The following DMXL2 variants were observed in gnomAD, a reference collection of about 807,000 sequenced individuals.
DMXL2 encodes dmX-like protein 2.
A neutral mutation model predicts 331.1 loss-of-function variants in DMXL2; 103 were observed. That is an observed-to-expected ratio of 0.31 (90% CI 0.27 to 0.37). DMXL2 has a LOEUF of 0.37. Among genes scored for constraint, DMXL2 ranks in the 10% least tolerant of loss-of-function variants. The pLI is 1.00. For synonymous variants in DMXL2, 1,281 were observed against 1,252.1 expected (o/e 1.02, Z -0.49); for missense variants, 3,171 against 3,642.9 (o/e 0.87, Z 3.33).
chr15:51,530,587 T>TA (rs550510463), intron 13 of DMXL2, among the ~76,000 whole-genome samples: 2,680 of 120,198 alleles, frequency 0.022, 69 homozygotes, highest in African/African-American at 0.071. Context: ...CCATCTCTAC[T>TA]AAAAAAAAAA....
intron 13 of DMXL2, among the ~76,000 whole-genome samples, chr15:51,531,332 CAGA>C (rs1337776932): frequency 3.3e-5 from 5 of 152,104 alleles, no homozygotes; most frequent in African/African-American, 1.2e-4. Flanking sequence ...TATCCATATG[CAGA>C]AGAATAAAAC....
intron 1 of DMXL2, among the ~76,000 whole-genome samples, chr15:51,611,286 T>C (rs1306612806): frequency 1.3e-5 from 2 of 152,128 alleles, no homozygotes; most frequent in African/African-American, 2.4e-5. Flanking sequence ...GCAACAGAGA[T>C]GCTGCAGACC....
At chr15:51,539,659 A>C (rs1470490285) in intron 9 of DMXL2, among the ~76,000 whole-genome samples, 1 of 152,020 alleles carries the variant, frequency 6.6e-6, no homozygotes, top group Admixed American at 6.6e-5. Context: ...AACTACAAAA[A>C]TTAGCCAGGT....
intron 8 of DMXL2, 81 bp from the exon 9 acceptor site, chr15:51,542,588 G>T: frequency 9.3e-7 from 1 of 1,080,586 alleles, no homozygotes; most frequent in Non-Finnish European, 1.3e-6. Flanking sequence ...TTATTAAGAG[G>T]TTTAAGATTT....
chr15:51,502,767 ACT>A, intron 17 of DMXL2, 37 bp downstream of exon 17: 1 of 1,366,074 alleles, frequency 7.3e-7, no homozygotes, highest in Non-Finnish European at 1.0e-6. Flanking sequence ...ATATTTTATC[ACT>A]CTGAGCTACC....
chr15:51,515,999 G>T (rs1247552946), intron 14 of DMXL2, among the ~76,000 whole-genome samples: 1 of 152,122 alleles, frequency 6.6e-6, no homozygotes, highest in African/African-American at 2.4e-5. Flanking sequence ...GGCAGCCCCA[G>T]TTCTGCTATC....
In DMXL2 at chr15:51,466,196, G is replaced by A; in HGVS notation, c.7508C>T (p.Pro2503Leu). ...SDTQIQEHQD[P>L]NSYSWALLHL... ...AAGTCTTATTTACCTATAGGAATTT[G>A]GATCTTGGTGCTCCTGTATTTGTGT... The change falls in exon 30 of 44, where the codon CCA (proline) becomes CTA (leucine). Residue 2503 changes from proline (P) to leucine (L), a missense_variant. Physicochemically the swap from Pro to Leu is moderately conservative, Grantham distance 98. This residue lies in a region of DMXL2 where 766 missense variants were observed against 940.5 expected (regional missense o/e 0.81). Coordinates refer to ENST00000560891, the MANE Select transcript of DMXL2 (RefSeq NM_001378457.1). 1.3e-6 allele frequency: 2 copies of A among 1,557,906 alleles called. No individual in the cohort carries two copies. The highest frequency in any genetic ancestry group is 1.3e-5 in the South Asian group (1 of 79,232).
rs1274453147 is a variant in DMXL2 at position 51,548,639 on chromosome 15, G to A, written c.568-1231C>T. ...AATGGAAATACAAAGAGCCCCAGGAGCAGGTGATACTCTAGCCCTTCTCCC... is the reference window on the plus strand; with the variant it reads ...AATGGAAATACAAAGAGCCCCAGGAACAGGTGATACTCTAGCCCTTCTCCC... On this transcript the variant is annotated intron_variant, in intron 6 of 43. Transcript: ENST00000560891. Among the ~76,000 whole-genome samples, 3 of 152,104 alleles carry A rather than the reference G, an allele frequency of 2.0e-5. No homozygotes were observed. The East Asian group carries it at 5.8e-4, about 29-fold the overall frequency.
chr15:51,546,139 C>T (rs941439761), intron 7 of DMXL2, among the ~76,000 whole-genome samples: 2 of 152,142 alleles, frequency 1.3e-5, no homozygotes, highest in African/African-American at 4.8e-5. Flanking sequence ...AGTTTCATCA[C>T]TTTACATCCT....
At chr15:51,610,013 T>C (rs567340380) in intron 1 of DMXL2, among the ~76,000 whole-genome samples, 24 of 152,260 alleles carry the variant, frequency 1.6e-4, no homozygotes, top group Admixed American at 1.2e-3. Flanking sequence ...TAGCAATATA[T>C]TGAATGCATC....
In DMXL2 at chr15:51,528,505, C is replaced by T. The variant is rs902443779; in HGVS notation, c.2436+7158G>A. 3.9e-5 allele frequency among the ~76,000 whole-genome samples: 6 copies of T among 152,120 alleles called. No homozygotes were observed. The South Asian group carries it at 6.2e-4, about 16-fold the overall frequency. On this transcript the variant is annotated intron_variant, in intron 13 of 43. Coordinates refer to ENST00000560891, the MANE Select transcript of DMXL2 (RefSeq NM_001378457.1). ...GTATCAGACAAAATAGTTTTCAAGACAAAAACTGTAAGAAGAGACAAAGAA... is the reference window on the plus strand; with the variant it reads ...GTATCAGACAAAATAGTTTTCAAGATAAAAACTGTAAGAAGAGACAAAGAA...
chr15:51,493,946 G>A (rs945740615), intron 19 of DMXL2, among the ~76,000 whole-genome samples: 5 of 151,484 alleles, frequency 3.3e-5, no homozygotes, highest in Non-Finnish European at 7.4e-5. Context: ...AATTTTTGTT[G>A]GTACGTAGTA....
chr15:51,557,054 A>G (rs2049641635), intron 6 of DMXL2, among the ~76,000 whole-genome samples: 1 of 151,984 alleles, frequency 6.6e-6, no homozygotes, highest in Non-Finnish European at 1.5e-5. Context: ...GCAGTTAAAA[A>G]AAAAAGGAAA....
chr15:51,547,452 C>T (rs779700812), intron 6 of DMXL2, 44 bp from the exon 7 acceptor site: 3 of 1,383,724 alleles, frequency 2.2e-6, no homozygotes, highest in Non-Finnish European at 2.9e-6. Context: ...TGTACATACA[C>T]AATTCAAAAT....
At chr15:51,603,066 T>TA in intron 1 of DMXL2, among the ~76,000 whole-genome samples, 1 of 152,280 alleles carries the variant, frequency 6.6e-6, no homozygotes, top group East Asian at 1.9e-4. Context: ...GTTTCCATCT[T>TA]AATCAATTAG....
chr15:51,622,703 C>T lies in DMXL2; in HGVS notation c.-158G>A, dbSNP rs185994668. The T allele has an allele frequency of 4.2e-5, 57 of 1,366,810 alleles. No homozygotes were observed. The East Asian group carries it at 1.5e-3, about 37-fold the overall frequency. 84.7% of individuals were successfully genotyped at this position (1,366,810 alleles called of 1,614,324 possible). On this transcript the variant is annotated 5_prime_UTR_variant, in exon 1 of 44. Transcript: ENST00000560891. ...CCTCGCCCCCCTTTCGCCTTCCCTC[C>T]GCCTCGTCCCTGCCATGGGAGCTCC...
intron 6 of DMXL2, among the ~76,000 whole-genome samples, chr15:51,556,203 C>T (rs2049561709): frequency 1.3e-5 from 2 of 151,794 alleles, no homozygotes; most frequent in South Asian, 4.2e-4. Context: ...ATTAGCTGGG[C>T]GTGGTGGCGG....
At chr15:51,548,223 T>C (rs1375254843) in intron 6 of DMXL2, among the ~76,000 whole-genome samples, 2 of 152,102 alleles carry the variant, frequency 1.3e-5, no homozygotes, top group Non-Finnish European at 2.9e-5. Flanking sequence ...AGGGAAATAA[T>C]AAATGTTATC....
intron 33 of DMXL2, among the ~76,000 whole-genome samples, chr15:51,460,987 ATGT>A (rs1185699207): frequency 1.3e-5 from 2 of 152,210 alleles, no homozygotes; most frequent in Non-Finnish European, 2.9e-5. Context: ...GGTGACTACT[ATGT>A]TGGACTATGC....
Sources: gnomAD v4.1 joint callset for allele counts (sites outside exome capture counted in the v4.1 genomes callset) on GRCh38, gnomAD v4.1.1 for gene constraint, gnomAD v4.1.1 regional missense constraint, MANE v1.5 for transcripts, NCBI Gene and HGNC (gene_info 2026-07-23, HGNC 2026-07-21) for gene names.